The following TMPRSS15 variants were observed in gnomAD, a reference collection of about 807,000 sequenced individuals.
TMPRSS15 encodes enteropeptidase.
Under a neutral mutation model 125.3 loss-of-function variants are expected in TMPRSS15, and 128 were observed. The observed-to-expected ratio is 1.02, with a 90% confidence interval of 0.89 to 1.18. TMPRSS15 has a LOEUF of 1.18. Ranked by LOEUF, TMPRSS15 falls within the 50% of genes most tolerant of loss-of-function variation. The probability of loss-of-function intolerance (pLI) is 0.00; values close to 1 mark genes in which losing one functional copy is unlikely to be tolerated. For synonymous variants in TMPRSS15, 446 were observed against 423.2 expected (o/e 1.05, Z -0.66); for missense variants, 1,283 against 1,212.7 (o/e 1.06, Z -0.86).
In TMPRSS15 at chr21:18,279,034, C is replaced by T. The variant is rs759593084; in HGVS notation, c.2694G>A (p.Pro898=). The change falls in exon 23 of 25, where the codon CCG becomes CCA. Residue 898 remains proline (P), a synonymous_variant. Coordinates refer to ENST00000284885, the MANE Select transcript of TMPRSS15 (RefSeq NM_002772.3). The part of the protein sequence containing the change: ...YTDYIQPICL[P]EENQVFPPGR... ...CTGGAGGAAAAACTTGATTTTCTTC[C>T]GGTAAACAAATAGGTTGTATGTAAT... is the stretch of plus-strand genomic sequence containing the variant. 29 of 1,591,466 alleles carry T rather than the reference C, an allele frequency of 1.8e-5. No homozygotes were observed. The highest frequency in any genetic ancestry group is 1.2e-4 in the Admixed American group (7 of 59,038).
chr21:18,435,020 C>A (rs1464401578), intron 1 of TMPRSS15, among the ~76,000 whole-genome samples: 1 of 152,082 alleles, frequency 6.6e-6, no homozygotes, highest in Non-Finnish European at 1.5e-5. Flanking sequence ...TAACCTCTAC[C>A]TTGTATTTAT....
rs528596098 is a variant in TMPRSS15 at position 18,368,575 on chromosome 21, C to A, written c.665-3327G>T. 3.3e-5 allele frequency among the ~76,000 whole-genome samples: 5 copies of A among 152,246 alleles called. No individual in the cohort carries two copies. The South Asian group carries it at 1.0e-3, about 32-fold the overall frequency. The stretch of plus-strand genomic sequence containing the variant: ...GCATCCTGAATGCCTAGAGCACAAC[C>A]CTTTGCCATCTTTCTTGCACCGTGA... On this transcript the variant is annotated intron_variant, in intron 6 of 24. Transcript: ENST00000284885.
chr21:18,372,128 G>C (rs2075797568), intron 6 of TMPRSS15, 65 bp downstream of exon 6: 4 of 1,367,486 alleles, frequency 2.9e-6, no homozygotes, highest in Non-Finnish European at 4.1e-6. Context: ...GTGTGTGTGT[G>C]TGTGTGTGTG....
chr21:18,323,910 A>G (rs550595601), intron 16 of TMPRSS15, among the ~76,000 whole-genome samples: 1 of 152,324 alleles, frequency 6.6e-6, no homozygotes, highest in South Asian at 2.1e-4. Flanking sequence ...TCCTTAAAAC[A>G]TGAGAAATAT....
intron 18 of TMPRSS15, among the ~76,000 whole-genome samples, chr21:18,299,989 G>A (rs552033175): frequency 1.1e-4 from 16 of 152,100 alleles, no homozygotes; most frequent in Non-Finnish European, 2.4e-4. Context: ...GACATACAAA[G>A]TGACTTCTAG....
intron 5 of TMPRSS15, among the ~76,000 whole-genome samples, chr21:18,377,389 A>G (rs1457727384): frequency 6.6e-6 from 1 of 152,046 alleles, no homozygotes; most frequent in Admixed American, 6.6e-5. Flanking sequence ...ATTCTGTTTC[A>G]TCAAACTCAG....
At chr21:18,332,960 G>A (rs2075359292) in intron 13 of TMPRSS15, among the ~76,000 whole-genome samples, 1 of 152,144 alleles carries the variant, frequency 6.6e-6, no homozygotes, top group African/African-American at 2.4e-5. Context: ...GGATGGAGCT[G>A]GAGACCATTA....
intron 21 of TMPRSS15, 93 bp from the exon 22 acceptor site, chr21:18,281,314 T>C (rs2074696060): frequency 9.4e-7 from 1 of 1,062,522 alleles, no homozygotes; most frequent in South Asian, 1.3e-5. Flanking sequence ...AATATGTTTC[T>C]ATCCTGAAAT....
chr21:18,412,756 C>T (rs888479171), intron 1 of TMPRSS15, among the ~76,000 whole-genome samples: 3 of 151,968 alleles, frequency 2.0e-5, no homozygotes, highest in African/African-American at 7.3e-5. Flanking sequence ...TGAGTTGGGT[C>T]CATTAACATT....
chr21:18,339,927 G>A (rs1489164257), intron 13 of TMPRSS15, among the ~76,000 whole-genome samples: 3 of 152,140 alleles, frequency 2.0e-5, no homozygotes, highest in Non-Finnish European at 2.9e-5. Flanking sequence ...ACACAGGCTC[G>A]ATTTGGTTCT....
chr21:18,317,755 TTCCCATCCCATCCCATCCCATCCCA>T lies in TMPRSS15; in HGVS notation c.1922-2524_1922-2500del, dbSNP rs748910194. ...ATTTGCTTTTACTCTGTTCTATTATTTCCCATCCCATCCCATCCCATCCCATCCCATCCCATCCCATCCCATCCCA... is the reference window on the plus strand; with the variant it reads ...ATTTGCTTTTACTCTGTTCTATTATTTCCCATCCCATCCCATCCCATCCCA... On this transcript the variant is annotated intron_variant, in intron 16 of 24. Transcript: ENST00000284885. Among the ~76,000 whole-genome samples the T allele has an allele frequency of 7.7e-4, 26 of 33,604 alleles. No homozygotes were observed. In the East Asian group the frequency reaches 0.028, roughly 36 times the overall value. 22.0% of individuals were successfully genotyped at this position (33,604 alleles called of 152,430 possible). A position where few individuals can be genotyped will look rare whatever the true frequency, so the allele number is the denominator to read the frequency against.
intron 22 of TMPRSS15, 23 bp downstream of exon 22, chr21:18,281,017 T>C: frequency 1.3e-6 from 2 of 1,599,724 alleles, no homozygotes; most frequent in African/African-American, 1.5e-5. Context: ...ATAAGATGAC[T>C]AAGAGTGATT....
chr21:18,447,247 C>A (rs1347802592), intron 1 of TMPRSS15, among the ~76,000 whole-genome samples: 1 of 151,596 alleles, frequency 6.6e-6, no homozygotes, highest in Non-Finnish European at 1.5e-5. Flanking sequence ...AGTTTGAGAC[C>A]AGCCTGGCCA....
rs1270897726 is a variant in TMPRSS15, at chr21:18,345,627, G to T, written c.1172-1567C>A. 3.4e-5 allele frequency among the ~76,000 whole-genome samples: 5 copies of T among 146,898 alleles called. No homozygotes were observed. The East Asian group carries it at 8.0e-4, about 23-fold the overall frequency. On this transcript the variant is annotated intron_variant, in intron 10 of 24. Transcript: ENST00000284885. ...GTGGTGGCGGGCGCCTGTAGTCCCA[G>T]CTACTCGGGACACTGAGGCAGGAGA...
At chr21:18,421,091 G>A (rs964064221) in intron 1 of TMPRSS15, among the ~76,000 whole-genome samples, 29 of 152,032 alleles carry the variant, frequency 1.9e-4, no homozygotes, top group Non-Finnish European at 3.1e-4. Context: ...TATATGACAC[G>A]GAGGACTATA....
intron 10 of TMPRSS15, among the ~76,000 whole-genome samples, chr21:18,351,620 T>TA (rs1412460598): frequency 6.6e-6 from 1 of 152,176 alleles, no homozygotes. Context: ...GCCATGATTA[T>TA]AAGTGTCCTG....
At chr21:18,308,452 T>A (rs1394820665) in intron 18 of TMPRSS15, among the ~76,000 whole-genome samples, 1 of 151,854 alleles carries the variant, frequency 6.6e-6, no homozygotes, top group East Asian at 1.9e-4. Flanking sequence ...ACCAAATCGA[T>A]TTTTTTAACA....
intron 1 of TMPRSS15, among the ~76,000 whole-genome samples, chr21:18,471,485 A>C (rs985201396): frequency 2.0e-5 from 3 of 152,006 alleles, no homozygotes; most frequent in African/African-American, 4.8e-5. Flanking sequence ...TGAAAAAAAA[A>C]AACAGCATAA....
chr21:18,414,863 T>A (rs1479973111), intron 1 of TMPRSS15, among the ~76,000 whole-genome samples: 1 of 152,212 alleles, frequency 6.6e-6, no homozygotes, highest in Non-Finnish European at 1.5e-5. Context: ...TTTCAATTTC[T>A]TGGGATATAT....
Sources: gnomAD v4.1 joint callset for allele counts (sites outside exome capture counted in the v4.1 genomes callset) on GRCh38, gnomAD v4.1.1 for gene constraint, MANE v1.5 for transcripts, NCBI Gene and HGNC (gene_info 2026-07-23, HGNC 2026-07-21) for gene names.